Variants in KLHL29 observed in about 807,000 individuals in gnomAD.
KLHL29 encodes the protein kelch like family member 29, also known as kelch-like protein 29.
KLHL29 carries 21 observed loss-of-function variants against 80.4 expected under a neutral mutation model. That is an observed-to-expected ratio of 0.26 (90% CI 0.19 to 0.38). The LOEUF is 0.38. Among genes scored for constraint, KLHL29 ranks in the 10% least tolerant of loss-of-function variants. The pLI is 1.00. For missense variants in KLHL29, 867 were observed against 1,223.9 expected (o/e 0.71, Z 4.35); for synonymous variants, 511 against 526.8 (o/e 0.97, Z 0.41).
chr2:23,455,002 G>GT (rs573069551), intron 1 of KLHL29, among the ~76,000 whole-genome samples: 29 of 21,326 alleles, frequency 1.4e-3, no homozygotes, highest in African/African-American at 1.6e-3. Context: ...ACAGTGGGTT[G>GT]GGGGGGGGGC....
intron 1 of KLHL29, among the ~76,000 whole-genome samples, chr2:23,465,878 G>A (rs975898930): frequency 6.6e-6 from 1 of 152,080 alleles, no homozygotes; most frequent in African/African-American, 2.4e-5. Flanking sequence ...AACTTAGCCT[G>A]CACCATCAGC....
At chr2:23,566,431 T>G (rs1051853337) in intron 3 of KLHL29, among the ~76,000 whole-genome samples, 3 of 152,212 alleles carry the variant, frequency 2.0e-5, no homozygotes, top group African/African-American at 7.2e-5. Context: ...CAGCTCCTCT[T>G]CCCACTCCAG....
intron 3 of KLHL29, among the ~76,000 whole-genome samples, chr2:23,631,637 G>A (rs930717600): frequency 4.6e-5 from 7 of 152,220 alleles, no homozygotes; most frequent in East Asian, 1.9e-4. Flanking sequence ...CTGGCCCCGC[G>A]TAGGGATTTA....
At chr2:23,407,815 T>C (rs1275608787) in intron 1 of KLHL29, among the ~76,000 whole-genome samples, 1 of 152,188 alleles carries the variant, frequency 6.6e-6, no homozygotes. Context: ...TTAATAGTCA[T>C]TTAATTCTTC....
chr2:23,629,118 G>A (rs548100117), intron 3 of KLHL29, among the ~76,000 whole-genome samples: 3 of 152,350 alleles, frequency 2.0e-5, no homozygotes, highest in East Asian at 3.9e-4. Context: ...CAAGGAACGC[G>A]GCTGTTGGGG....
At chr2:23,566,060 G>A (rs187102257) in intron 3 of KLHL29, among the ~76,000 whole-genome samples, 60 of 152,344 alleles carry the variant, frequency 3.9e-4, no homozygotes, top group Admixed American at 8.5e-4. Flanking sequence ...GCAGCTGGCC[G>A]GTGAGGTGAT....
intron 2 of KLHL29, among the ~76,000 whole-genome samples, chr2:23,517,393 A>C (rs1665969443): frequency 6.6e-6 from 1 of 152,142 alleles, no homozygotes; most frequent in Non-Finnish European, 1.5e-5. Flanking sequence ...AAATAGAAAA[A>C]TTAGGTGGGC....
intron 11 of KLHL29, among the ~76,000 whole-genome samples, chr2:23,702,928 C>A (rs1353655368): frequency 6.6e-6 from 1 of 150,920 alleles, no homozygotes; most frequent in Non-Finnish European, 1.5e-5. Flanking sequence ...GGGATGGAGA[C>A]AGGAATTCTG....
At chr2:23,577,204 C>G (rs1014690511) in intron 3 of KLHL29, among the ~76,000 whole-genome samples, 1 of 152,240 alleles carries the variant, frequency 6.6e-6, no homozygotes, top group Non-Finnish European at 1.5e-5. Flanking sequence ...AATCCCAGCA[C>G]TTTGGGAGGC....
chr2:23,619,311 A>G (rs569754507), intron 3 of KLHL29, among the ~76,000 whole-genome samples: 7 of 152,300 alleles, frequency 4.6e-5, no homozygotes, highest in African/African-American at 1.7e-4. Context: ...CTTCTCCTGC[A>G]GTGTGAAGGG....
At chr2:23,641,601 T>C (rs1373133357) in intron 4 of KLHL29, among the ~76,000 whole-genome samples, 3 of 152,232 alleles carry the variant, frequency 2.0e-5, no homozygotes, top group Non-Finnish European at 4.4e-5. Context: ...TTTGTTTTGT[T>C]TCCAAATACA....
At chr2:23,621,239 C>A (rs1273988267) in intron 3 of KLHL29, among the ~76,000 whole-genome samples, 1 of 152,232 alleles carries the variant, frequency 6.6e-6, no homozygotes, top group African/African-American at 2.4e-5. Context: ...CACCCACAGC[C>A]TTCCAGAGCC....
rs190424908 is a variant in KLHL29, at chr2:23,591,324, C to T, written c.285+28843C>T. 2.5e-3 allele frequency among the ~76,000 whole-genome samples: 378 copies of T among 152,252 alleles called. 3 individuals are homozygous for T. Among genetic ancestry groups the T allele is most frequent in the African/African-American group, 8.7e-3 (363 of 41,524 alleles). The stretch of plus-strand genomic sequence containing the variant: ...ACAAGGAAAGAGCCAGGACACAGTC[C>T]GCAGGCTCCTGTGTCCTGTCCCGTC... On this transcript the variant is annotated intron_variant, in intron 3 of 13. Coordinates refer to ENST00000486442, the MANE Select transcript of KLHL29 (RefSeq NM_052920.2).
chr2:23,420,546 G>T (rs767438002), intron 1 of KLHL29, among the ~76,000 whole-genome samples: 4 of 152,162 alleles, frequency 2.6e-5, no homozygotes, highest in African/African-American at 9.7e-5. Context: ...AGATTCTGCC[G>T]CACCTTTCTT....
intron 1 of KLHL29, among the ~76,000 whole-genome samples, chr2:23,450,279 C>T (rs1271486274): frequency 3.9e-5 from 6 of 152,104 alleles, no homozygotes; most frequent in Non-Finnish European, 8.8e-5. Flanking sequence ...CAAGACGTGC[C>T]GCCAGGCCGA....
chr2:23,506,515 C>T lies in KLHL29; in HGVS notation c.-46+30848C>T, dbSNP rs557624318. ...CTTTTATTAATTGTTGTTACTCCAC[C>T]GCCTTGCCAGGGACAAGGACCCTAG... On this transcript the variant is annotated intron_variant, in intron 2 of 13. Coordinates refer to ENST00000486442, the MANE Select transcript of KLHL29 (RefSeq NM_052920.2). Among the ~76,000 whole-genome samples, 14 of 152,348 alleles carry T rather than the reference C, an allele frequency of 9.2e-5. No homozygotes were observed. In the South Asian group the frequency reaches 2.7e-3, roughly 29 times the overall value.
chr2:23,600,264 AC>A, intron 3 of KLHL29, among the ~76,000 whole-genome samples: 1 of 152,256 alleles, frequency 6.6e-6, no homozygotes, highest in South Asian at 2.1e-4. Flanking sequence ...ATGGAAGGGG[AC>A]TCAGCATAAT....
chr2:23,586,575 G>T (rs1252720169), intron 3 of KLHL29, among the ~76,000 whole-genome samples: 1 of 151,836 alleles, frequency 6.6e-6, no homozygotes, highest in Non-Finnish European at 1.5e-5. Context: ...TGGCCAAGCT[G>T]GTCTTGAACT....
chr2:23,628,419 G>A (rs556251941), intron 3 of KLHL29, among the ~76,000 whole-genome samples: 6 of 152,268 alleles, frequency 3.9e-5, no homozygotes, highest in East Asian at 3.9e-4. Context: ...TGGCCAAGCC[G>A]TTGTAAAGAG....
Sources: gnomAD v4.1 joint callset for allele counts (sites outside exome capture counted in the v4.1 genomes callset) on GRCh38, gnomAD v4.1.1 for gene constraint, MANE v1.5 for transcripts, NCBI Gene and HGNC (gene_info 2026-07-23, HGNC 2026-07-21) for gene names.